The following HPSE2 variants were observed in gnomAD, a reference collection of about 807,000 sequenced individuals.
HPSE2 encodes inactive heparanase-2.
A neutral mutation model predicts 60.5 loss-of-function variants in HPSE2; 38 were observed. That is an observed-to-expected ratio of 0.63 (90% CI 0.48 to 0.82). HPSE2 has a LOEUF of 0.82. Among genes scored for constraint, HPSE2 ranks in the 40% least tolerant of loss-of-function variants. The pLI, the probability that HPSE2 is intolerant of heterozygous loss-of-function variation, is 0.00. For synonymous variants in HPSE2, 295 were observed against 293.2 expected, an observed-to-expected ratio of 1.01 and a Z score of -0.06; for missense variants, 713 against 740.4, an observed-to-expected ratio of 0.96 and a Z score of 0.43.
rs555308309 is a variant in HPSE2 at position 98,836,605 on chromosome 10, T to G, written c.611-92549A>C. Among the ~76,000 whole-genome samples the G allele has an allele frequency of 3.6e-4, 55 of 152,256 alleles. 2 individuals carry two copies. In the South Asian group the frequency reaches 0.011, roughly 32 times the overall value. On this transcript the variant is annotated intron_variant, in intron 3 of 11. Transcript: ENST00000370552. ...TGAAATGTGTAGAACAGGTCATGAG[T>G]AAGGACAGACTGGAATTCATGAGCA...
At chr10:98,750,287 G>A (rs936991187) in intron 3 of HPSE2, among the ~76,000 whole-genome samples, 4 of 152,134 alleles carry the variant, frequency 2.6e-5, no homozygotes, top group African/African-American at 9.7e-5. Context: ...CAGAATGAAT[G>A]AGAGGGAGAG....
intron 3 of HPSE2, among the ~76,000 whole-genome samples, chr10:98,920,569 A>T (rs573414745): frequency 6.6e-6 from 1 of 152,252 alleles, no homozygotes; most frequent in South Asian, 2.1e-4. Context: ...TTAAGAGTAC[A>T]CAACCCAGCC....
At chr10:98,525,171 C>T (rs1011080532) in intron 9 of HPSE2, among the ~76,000 whole-genome samples, 11 of 152,170 alleles carry the variant, frequency 7.2e-5, no homozygotes, top group African/African-American at 2.7e-4. Flanking sequence ...CCACCATCCC[C>T]AGCTAATTTT....
intron 9 of HPSE2, among the ~76,000 whole-genome samples, chr10:98,545,347 A>T (rs1943631277): frequency 6.6e-6 from 1 of 152,086 alleles, no homozygotes; most frequent in Admixed American, 6.6e-5. Context: ...CAGAGACACA[A>T]CCAAAAAAGA....
chr10:98,499,602 CA>C (rs1227327598), intron 9 of HPSE2, among the ~76,000 whole-genome samples: 1 of 151,916 alleles, frequency 6.6e-6, no homozygotes, highest in African/African-American at 2.4e-5. Context: ...AGTTAAAAAG[CA>C]AAAACAAAAA....
rs1224877782 is a variant in HPSE2 at position 98,936,999 on chromosome 10, A to C, written c.611-192943T>G. ...ATCTCAAAAAAAAAAAAAAAAAAAA[A>C]AAAAAACAAGTTTTCCAACTTTTTG... On this transcript the variant is annotated intron_variant, in intron 3 of 11. Transcript: ENST00000370552. 7.8e-5 allele frequency among the ~76,000 whole-genome samples: 11 copies of C among 141,270 alleles called. 1 individual carries two copies. Among genetic ancestry groups the C allele is most frequent in the Admixed American group, 4.9e-4 (7 of 14,176 alleles). The allele number at this position is 141,270 out of a possible 152,430, so 92.7% of individuals were successfully genotyped here. A position where few individuals can be genotyped will look rare whatever the true frequency, so the allele number is the denominator to read the frequency against.
intron 9 of HPSE2, among the ~76,000 whole-genome samples, chr10:98,494,120 T>C (rs947736701): frequency 5.9e-5 from 9 of 152,220 alleles, no homozygotes; most frequent in Non-Finnish European, 1.3e-4. Context: ...TCCGGTGCCA[T>C]AAAGAAATAG....
At chr10:98,560,809 G>T (rs2133873139) in intron 9 of HPSE2, among the ~76,000 whole-genome samples, 1 of 152,256 alleles carries the variant, frequency 6.6e-6, no homozygotes, top group Non-Finnish European at 1.5e-5. Context: ...AATGTAGTGT[G>T]ACACATTACT....
intron 10 of HPSE2, among the ~76,000 whole-genome samples, chr10:98,488,215 T>C (rs932477764): frequency 2.6e-5 from 4 of 152,206 alleles, no homozygotes; most frequent in African/African-American, 9.6e-5. Flanking sequence ...TGAGGTCTCA[T>C]GCTATGGAAT....
intron 3 of HPSE2, among the ~76,000 whole-genome samples, chr10:99,099,474 T>G (rs1390178509): frequency 1.3e-5 from 2 of 152,078 alleles, no homozygotes; most frequent in Non-Finnish European, 2.9e-5. Flanking sequence ...GAGGCTTGGG[T>G]AGGTAAACAA....
At chr10:98,605,716 G>C (rs182147804) in intron 9 of HPSE2, among the ~76,000 whole-genome samples, 1 of 152,226 alleles carries the variant, frequency 6.6e-6, no homozygotes, top group Non-Finnish European at 1.5e-5. Context: ...CTGGTGGCAA[G>C]GGCAGGATAG....
intron 2 of HPSE2, among the ~76,000 whole-genome samples, chr10:99,178,670 T>C (rs1040320191): frequency 6.6e-6 from 1 of 152,084 alleles, no homozygotes; most frequent in African/African-American, 2.4e-5. Context: ...GACAAATTCA[T>C]AGCCAAATTC....
intron 9 of HPSE2, among the ~76,000 whole-genome samples, chr10:98,595,866 G>A (rs938649643): frequency 1.6e-4 from 25 of 152,068 alleles, no homozygotes; most frequent in African/African-American, 5.3e-4. Flanking sequence ...ATTGTTTTGC[G>A]ATACATTCTT....
chr10:98,726,869 A>C (rs1949098373), intron 4 of HPSE2, among the ~76,000 whole-genome samples: 1 of 152,062 alleles, frequency 6.6e-6, no homozygotes, highest in South Asian at 2.1e-4. Flanking sequence ...GAAACATCAG[A>C]AGCCATGACT....
intron 7 of HPSE2, among the ~76,000 whole-genome samples, chr10:98,635,614 C>T (rs150698273): frequency 6.6e-6 from 1 of 151,896 alleles, no homozygotes; most frequent in East Asian, 1.9e-4. Context: ...GACCTTGTCT[C>T]TACAAAAAAA....
intron 3 of HPSE2, among the ~76,000 whole-genome samples, chr10:98,873,358 A>C (rs1952784947): frequency 6.6e-6 from 1 of 151,530 alleles, no homozygotes; most frequent in Non-Finnish European, 1.5e-5. Flanking sequence ...GCCTTCCCTC[A>C]CCCTCCACCC....
Position 98,681,940 on chromosome 10 carries a change from C to T in HPSE2, c.1004+11960G>A, listed in dbSNP as rs542938678. Among the ~76,000 whole-genome samples, 3 of 152,262 alleles carry T rather than the reference C, an allele frequency of 2.0e-5. No homozygotes were observed. The South Asian group carries it at 6.2e-4, about 32-fold the overall frequency. On this transcript the variant is annotated intron_variant, in intron 6 of 11. Transcript: ENST00000370552. ...TGTAATACAGATGCTCCTTGACTTA[C>T]TGTGGGGTTATGTCATAATAAACCT...
chr10:99,302,952 A>T, the HPSE2 span, among the ~76,000 whole-genome samples: 1 of 151,418 alleles, frequency 6.6e-6, no homozygotes, highest in Non-Finnish European at 1.5e-5. Flanking sequence ...AGACACTTTC[A>T]TTAGGTGGAC....
the HPSE2 span, among the ~76,000 whole-genome samples, chr10:99,296,563 AC>A: frequency 6.6e-6 from 1 of 151,250 alleles, no homozygotes; most frequent in Admixed American, 6.6e-5. Context: ...AGGAGCAGTC[AC>A]AGAGCTGTAA....
Sources: allele counts gnomAD v4.1 joint callset (sites outside exome capture counted in the v4.1 genomes callset), GRCh38; gene constraint gnomAD v4.1.1; transcripts MANE v1.5; gene names NCBI Gene and HGNC (gene_info 2026-07-23, HGNC 2026-07-21).